Variants in PICALM observed in about 807,000 individuals in gnomAD.
PICALM encodes the protein phosphatidylinositol-binding clathrin assembly protein.
PICALM carries 40 observed loss-of-function variants against 80.5 expected under a neutral mutation model. The ratio of observed to expected loss-of-function variants is 0.50; its 90% CI spans 0.39 to 0.65. PICALM has a LOEUF of 0.65. Among genes scored for constraint, PICALM ranks in the 30% least tolerant of loss-of-function variants. The probability of loss-of-function intolerance (pLI) is 0.00; values close to 1 mark genes in which losing one functional copy is unlikely to be tolerated. For synonymous variants in PICALM, 288 were observed against 260.3 expected, an observed-to-expected ratio of 1.11 and a Z score of -1.02; for missense variants, 676 against 778.9, an observed-to-expected ratio of 0.87 and a Z score of 1.57.
At chr11:85,992,075 T>G (rs1223325123) in intron 12 of PICALM, among the ~76,000 whole-genome samples, 3 of 152,110 alleles carry the variant, frequency 2.0e-5, no homozygotes. Context: ...AACACCTGCC[T>G]GGACTCAAGC....
upstream of PICALM, chr11:86,069,438 T>G (rs918801332): frequency 2.4e-3 from 367 of 152,932 alleles, 1 homozygote; most frequent in African/African-American, 8.7e-3. Context: ...GGCGGCAGGC[T>G]TCTCCCCTTA....
At position 85,981,945 on chromosome 11, in the gene PICALM, A is replaced by T; in HGVS notation, c.1575T>A (p.Leu525=). The T allele has an allele frequency of 6.2e-7, 1 of 1,613,068 alleles. No homozygotes were observed. Among genetic ancestry groups the T allele is most frequent in the Non-Finnish European group, 8.5e-7 (1 of 1,179,010 alleles). The change falls in exon 15 of 20, where the codon CTT becomes CTA. Residue 525 remains leucine (L), a synonymous_variant. Transcript: ENST00000393346. ...TGCTAGGTGGGAGTTTGGCAACAGGAAGGTTCTGGTTCTGAGAGGCCACTG... is the reference window on the plus strand; with the variant it reads ...TGCTAGGTGGGAGTTTGGCAACAGGTAGGTTCTGGTTCTGAGAGGCCACTG... ...KPTVASQNQN[L]PVAKLPPSKL...
At chr11:86,019,597 G>C (rs1169264360) in intron 4 of PICALM, among the ~76,000 whole-genome samples, 7 of 152,096 alleles carry the variant, frequency 4.6e-5, no homozygotes. Flanking sequence ...TTATTGGACA[G>C]GATACAGAGG....
intron 1 of PICALM, among the ~76,000 whole-genome samples, chr11:86,034,985 T>C (rs2095815608): frequency 6.6e-6 from 1 of 152,184 alleles, no homozygotes; most frequent in African/African-American, 2.4e-5. Flanking sequence ...TTGCAAAGGA[T>C]AAGGATCCAC....
At chr11:86,010,392 T>C (rs1320475013) in intron 7 of PICALM, among the ~76,000 whole-genome samples, 1 of 151,594 alleles carries the variant, frequency 6.6e-6, no homozygotes, top group Non-Finnish European at 1.5e-5. Flanking sequence ...AGTGGTGCGA[T>C]CTCAGCTCAC....
At chr11:85,999,229 T>C (rs2136069149) in intron 11 of PICALM, among the ~76,000 whole-genome samples, 1 of 152,354 alleles carries the variant, frequency 6.6e-6, no homozygotes, top group South Asian at 2.1e-4. Flanking sequence ...ACATGTCTTT[T>C]AGATGTACAA....
intron 12 of PICALM, among the ~76,000 whole-genome samples, chr11:85,995,407 TAC>T (rs1169925145): frequency 2.0e-5 from 3 of 152,200 alleles, no homozygotes; most frequent in African/African-American, 7.2e-5. Context: ...GAACAATTCT[TAC>T]AGACTGAAAT....
In PICALM at chr11:85,988,936, G is replaced by A. The variant is rs1323542607; in HGVS notation, c.1408+1314C>T. Reference sequence around the variant, plus strand: ...CCAACACTATCGTGTCCTCTAATGTGTGGTTTTACAGCTAAGAAAGCAAGC... The same window carrying A: ...CCAACACTATCGTGTCCTCTAATGTATGGTTTTACAGCTAAGAAAGCAAGC... On this transcript the variant is annotated intron_variant, in intron 13 of 19. Transcript: ENST00000393346. 2.6e-5 allele frequency among the ~76,000 whole-genome samples: 4 copies of A among 152,352 alleles called. No individual in the cohort carries two copies. The East Asian group carries it at 7.7e-4, about 29-fold the overall frequency.
At chr11:86,007,955 CAA>C (rs564488814) in intron 7 of PICALM, among the ~76,000 whole-genome samples, 18 of 128,410 alleles carry the variant, frequency 1.4e-4, no homozygotes, top group East Asian at 4.5e-4. Context: ...CTCTTTGATG[CAA>C]AAAAAAAAAA....
At chr11:86,009,802 T>C (rs1235054268) in intron 7 of PICALM, among the ~76,000 whole-genome samples, 1 of 152,204 alleles carries the variant, frequency 6.6e-6, no homozygotes, top group Non-Finnish European at 1.5e-5. Flanking sequence ...TTGAAGAATT[T>C]ACTAGAATCA....
intron 1 of PICALM, 72 bp downstream of exon 1, chr11:86,068,579 A>G: frequency 8.5e-7 from 1 of 1,182,912 alleles, no homozygotes; most frequent in Non-Finnish European, 1.2e-6. Context: ...GTGAAAGACA[A>G]GAGAGAGAGA....
chr11:86,001,007 T>A, intron 10 of PICALM, 28 bp downstream of exon 10: 1 of 1,612,806 alleles, frequency 6.2e-7, no homozygotes, highest in African/African-American at 1.3e-5. Context: ...TACTCATTTT[T>A]CGAAATAAGG....
chr11:86,055,378 T>G (rs2096253658), intron 1 of PICALM, among the ~76,000 whole-genome samples: 1 of 152,084 alleles, frequency 6.6e-6, no homozygotes, highest in Non-Finnish European at 1.5e-5. Context: ...CTATTATTTG[T>G]GGACCAAAAC....
At chr11:85,967,036 G>A (rs1232155370) in intron 19 of PICALM, among the ~76,000 whole-genome samples, 1 of 152,166 alleles carries the variant, frequency 6.6e-6, no homozygotes, top group Non-Finnish European at 1.5e-5. Context: ...CTTTGTTACA[G>A]CAGTCCTAGG....
At chr11:85,971,230 A>C (rs1459318924) in intron 19 of PICALM, among the ~76,000 whole-genome samples, 2 of 152,114 alleles carry the variant, frequency 1.3e-5, no homozygotes, top group African/African-American at 4.8e-5. Flanking sequence ...TTTTTCAGTA[A>C]TACTTAAGTA....
At chr11:86,017,462 A>G (rs1281641741) in intron 4 of PICALM, among the ~76,000 whole-genome samples, 1 of 152,214 alleles carries the variant, frequency 6.6e-6, no homozygotes, top group African/African-American at 2.4e-5. Context: ...AATACTCATA[A>G]CCTATAACAA....
intron 1 of PICALM, among the ~76,000 whole-genome samples, chr11:86,061,260 G>C (rs1236942811): frequency 4.3e-5 from 6 of 139,730 alleles, no homozygotes; most frequent in African/African-American, 1.6e-4. Flanking sequence ...ACCCCTGGGA[G>C]ACAGAGCTTA....
intron 1 of PICALM, among the ~76,000 whole-genome samples, chr11:86,033,486 C>T (rs1397909740): frequency 6.6e-6 from 1 of 152,118 alleles, no homozygotes; most frequent in African/African-American, 2.4e-5. Flanking sequence ...TGCTAGATAC[C>T]TATGCTGCTT....
chr11:85,976,208 T>C (rs568895860), intron 18 of PICALM, among the ~76,000 whole-genome samples: 101 of 152,298 alleles, frequency 6.6e-4, no homozygotes, highest in South Asian at 8.3e-4. Context: ...GTAATAATCA[T>C]TGTCACAGGA....
Sources: gnomAD v4.1 joint callset for allele counts (sites outside exome capture counted in the v4.1 genomes callset) on GRCh38, gnomAD v4.1.1 for gene constraint, MANE v1.5 for transcripts, NCBI Gene and HGNC (gene_info 2026-07-23, HGNC 2026-07-21) for gene names.